The following ERBB4 variants were observed in gnomAD, a reference collection of about 807,000 sequenced individuals.
The protein encoded by ERBB4 is receptor tyrosine-protein kinase erbB-4.
A neutral mutation model predicts 158.0 loss-of-function variants in ERBB4; 42 were observed. That is an observed-to-expected ratio of 0.27 (90% confidence interval 0.21 to 0.34). The LOEUF is 0.34. ERBB4 is among the 10% of genes least tolerant of loss of function. The pLI, the probability that ERBB4 is intolerant of heterozygous loss-of-function variation, is 1.00. For missense variants in ERBB4, 1,333 were observed against 1,624.1 expected (o/e 0.82, Z 3.08); for synonymous variants, 583 against 558.7 (o/e 1.04, Z -0.61).
intron 22 of ERBB4, among the ~76,000 whole-genome samples, chr2:211,427,717 A>C (rs1032979942): frequency 6.6e-6 from 1 of 152,142 alleles, no homozygotes; most frequent in Admixed American, 6.6e-5. Context: ...AGAAACCCAC[A>C]AAAAAGTTGG....
chr2:212,481,083 A>G (rs1466632797), intron 1 of ERBB4, among the ~76,000 whole-genome samples: 1 of 152,174 alleles, frequency 6.6e-6, no homozygotes, highest in African/African-American at 2.4e-5. Context: ...ACATATATAC[A>G]TATAAATACA....
Position 211,383,995 on chromosome 2 carries a change from A to C in ERBB4, c.3547T>G (p.Leu1183Val), listed in dbSNP as rs773536989. Residue 1183 changes from leucine to valine, a missense_variant, in exon 28 of 28, where the codon TTG becomes GTG. By Grantham distance (32) the Leu-to-Val change is conservative (BLOSUM62 1). Around this residue, in one of 5 missense-constraint regions of ERBB4, gnomAD observed 252 missense variants for 241.3 expected, o/e 1.04. Transcript: ENST00000342788. The part of the protein sequence containing the change: ...SRRKNGDLQA[L>V]DNPEYHNASN... The stretch of plus-strand genomic sequence containing the variant: ...GCATTGTGATATTCGGGATTATCCA[A>C]TGCTTGAAGGTCTCCATTTTTTCTC... The C allele has an allele frequency of 1.2e-6, 2 of 1,613,974 alleles. No individual in the cohort carries two copies. The highest frequency in any genetic ancestry group is 1.7e-6 in the Non-Finnish European group (2 of 1,179,998).
intron 3 of ERBB4, among the ~76,000 whole-genome samples, chr2:211,868,604 G>A (rs1454065379): frequency 1.3e-5 from 2 of 152,056 alleles, no homozygotes; most frequent in Admixed American, 6.6e-5. Context: ...GTGTTATTTT[G>A]TTTATTCTAT....
intron 3 of ERBB4, among the ~76,000 whole-genome samples, chr2:211,934,926 T>TAAAAAAAAAAAATAAAAAAATAAA (rs2080273656): frequency 3.5e-5 from 3 of 86,646 alleles, no homozygotes; most frequent in Non-Finnish European, 7.6e-5. Flanking sequence ...CTCATTCAGC[T>TAAAAAAAAAAAATAAAAAAATAAA]AAAAAAAAAA....
chr2:211,707,666 T>C (rs1021210651), intron 9 of ERBB4, among the ~76,000 whole-genome samples: 1 of 152,082 alleles, frequency 6.6e-6, no homozygotes, highest in Non-Finnish European at 1.5e-5. Context: ...TAACAAAACA[T>C]GAAAGAAAAG....
chr2:211,974,089 C>T (rs985533206), intron 2 of ERBB4, among the ~76,000 whole-genome samples: 4 of 151,800 alleles, frequency 2.6e-5, no homozygotes, highest in Admixed American at 1.3e-4. Flanking sequence ...AGAGGGTGGA[C>T]GGTGGGAGGA....
chr2:211,647,857 T>G (rs1210813657), intron 16 of ERBB4, among the ~76,000 whole-genome samples: 1 of 151,710 alleles, frequency 6.6e-6, no homozygotes, highest in Non-Finnish European at 1.5e-5. Context: ...TCTAGAACAT[T>G]TTCTTTACTT....
intron 19 of ERBB4, among the ~76,000 whole-genome samples, chr2:211,563,552 GA>G (rs2067464652): frequency 6.6e-6 from 1 of 152,044 alleles, no homozygotes; most frequent in East Asian, 1.9e-4. Context: ...TTGGCTCTTG[GA>G]TAAAAAAATA....
At chr2:212,293,484 C>T (rs543307524) in intron 1 of ERBB4, among the ~76,000 whole-genome samples, 1 of 152,102 alleles carries the variant, frequency 6.6e-6, no homozygotes, top group South Asian at 2.1e-4. Context: ...AAAATTTATA[C>T]AAAACAACCA....
chr2:212,240,429 G>C (rs1280960578), intron 1 of ERBB4, among the ~76,000 whole-genome samples: 1 of 151,664 alleles, frequency 6.6e-6, no homozygotes, highest in African/African-American at 2.4e-5. Flanking sequence ...GGCGTATCAC[G>C]AGACCAGCCT....
At chr2:211,976,312 A>T (rs839502) in intron 2 of ERBB4, among the ~76,000 whole-genome samples, 1 of 152,160 alleles carries the variant, frequency 6.6e-6, no homozygotes, top group Non-Finnish European at 1.5e-5. Flanking sequence ...AGTGATAAAG[A>T]CTGTGTTTAA....
intron 2 of ERBB4, among the ~76,000 whole-genome samples, chr2:212,003,252 GGAAGGAA>G (rs2076180000): frequency 1.0e-5 from 1 of 96,986 alleles, no homozygotes; most frequent in Non-Finnish European, 2.4e-5. Flanking sequence ...AAGGAAGGAA[GGAAGGAA>G]AGAGAGAGAA....
intron 2 of ERBB4, among the ~76,000 whole-genome samples, chr2:212,010,799 A>G (rs2076367780): frequency 6.6e-6 from 1 of 152,078 alleles, no homozygotes; most frequent in African/African-American, 2.4e-5. Flanking sequence ...ACCACATAAG[A>G]CAGACACTCC....
intron 1 of ERBB4, among the ~76,000 whole-genome samples, chr2:212,310,146 A>T (rs2086975617): frequency 6.6e-6 from 1 of 150,742 alleles, no homozygotes; most frequent in Non-Finnish European, 1.5e-5. Context: ...TTCTATTTTT[A>T]ATTATTTTAT....
rs574319756 is a variant in ERBB4, at chr2:211,864,995, A to G, written c.422-76836T>C. Among the ~76,000 whole-genome samples the G allele has an allele frequency of 4.4e-4, 67 of 152,230 alleles. No individual in the cohort carries two copies. In the South Asian group the frequency reaches 0.013, roughly 29 times the overall value. On this transcript the variant is annotated intron_variant, in intron 3 of 27. Transcript: ENST00000342788. ...CACTGTACTCCTGCCTGTCCTGGAG[A>G]GTGAAACTCTGTCTAAAAAATAAAA... is the stretch of plus-strand genomic sequence containing the variant.
chr2:212,208,896 T>TATTTATTTC (rs1402158955), intron 1 of ERBB4, among the ~76,000 whole-genome samples: 8 of 152,282 alleles, frequency 5.3e-5, no homozygotes, highest in African/African-American at 1.9e-4. Context: ...CTTTATTCTT[T>TATTTATTTC]TTTATTCTTT....
At chr2:211,834,004 G>A (rs979800926) in intron 3 of ERBB4, among the ~76,000 whole-genome samples, 4 of 151,930 alleles carry the variant, frequency 2.6e-5, no homozygotes, top group Admixed American at 6.6e-5. Flanking sequence ...GAGTGTAGTC[G>A]ATCTTTACAG....
chr2:212,171,325 T>TG (rs1553578083), intron 1 of ERBB4, among the ~76,000 whole-genome samples: 2 of 22,494 alleles, frequency 8.9e-5, no homozygotes, highest in East Asian at 5.7e-4. Flanking sequence ...AACTAACTTG[T>TG]TTTTTTTTTA....
chr2:211,899,646 T>C (rs1426631319), intron 3 of ERBB4, among the ~76,000 whole-genome samples: 4 of 152,142 alleles, frequency 2.6e-5, no homozygotes, highest in African/African-American at 9.6e-5. Flanking sequence ...GTTATTGTGA[T>C]TTACAGGTTA....
Sources: gnomAD v4.1 joint callset for allele counts (sites outside exome capture counted in the v4.1 genomes callset) on GRCh38, gnomAD v4.1.1 for gene constraint, gnomAD v4.1.1 regional missense constraint, MANE v1.5 for transcripts, NCBI Gene and HGNC (gene_info 2026-07-23, HGNC 2026-07-21) for gene names.